The following ABCA13 variants were observed in gnomAD, a reference collection of about 807,000 sequenced individuals.
The protein encoded by ABCA13 is ATP binding cassette subfamily A member 13.
A neutral mutation model predicts 478.7 loss-of-function variants in ABCA13; 476 were observed. That is an observed-to-expected ratio of 0.99 (90% CI 0.92 to 1.07). The LOEUF is 1.07. ABCA13 is among the 50% of genes least tolerant of loss of function. The pLI, the probability that ABCA13 is intolerant of heterozygous loss-of-function variation, is 0.00. For missense variants in ABCA13, 6,060 were observed against 5,910.6 expected (o/e 1.03, Z -0.83); for synonymous variants, 2,252 against 2,158.9 (o/e 1.04, Z -1.20).
chr7:48,470,657 G>T (rs1473852060), intron 44 of ABCA13, among the ~76,000 whole-genome samples: 1 of 152,138 alleles, frequency 6.6e-6, no homozygotes, highest in Non-Finnish European at 1.5e-5. Context: ...CTGGTTAATA[G>T]AAATGGCAAG....
At chr7:48,520,400 C>T (rs1303638620) in intron 53 of ABCA13, 106 bp downstream of exon 53, 1 of 1,307,548 alleles carries the variant, frequency 7.6e-7, no homozygotes, top group Non-Finnish European at 1.0e-6. Flanking sequence ...ATCTGATCAG[C>T]ATTATACATA....
rs997443013 is a variant in ABCA13, at chr7:48,244,653, T to C, written c.1340T>C (p.Leu447Pro). ...CCGGCACTGAAGAGATTTCTTCAGC[T>C]TGATGGAGCTCTCAGAAATGCGATA... ...QWPALKRFLQ[L>P]DGALRNAIAQ... The change falls in exon 11 of 62, where the codon CTT becomes CCT. Residue 447 changes from leucine (L) to proline (P), a missense_variant. Coordinates refer to ENST00000435803, the MANE Select transcript of ABCA13 (RefSeq NM_152701.5). The C allele has an allele frequency of 1.2e-5, 19 of 1,612,062 alleles. No individual in the cohort carries two copies. Among genetic ancestry groups the C allele is most frequent in the Non-Finnish European group, 1.6e-5 (19 of 1,178,866 alleles).
intron 55 of ABCA13, among the ~76,000 whole-genome samples, chr7:48,543,586 T>G (rs1281786318): frequency 6.6e-6 from 1 of 151,412 alleles, no homozygotes; most frequent in African/African-American, 2.4e-5. Context: ...ATCGCACCGT[T>G]GCACTCCAGC....
At chr7:48,189,184 A>T (rs1376078617) in intron 1 of ABCA13, among the ~76,000 whole-genome samples, 1 of 152,198 alleles carries the variant, frequency 6.6e-6, no homozygotes, top group Non-Finnish European at 1.5e-5. Flanking sequence ...GATGTGCGAG[A>T]TACGGTGAAG....
chr7:48,299,767 C>T (rs1799891922), intron 23 of ABCA13, among the ~76,000 whole-genome samples: 1 of 152,076 alleles, frequency 6.6e-6, no homozygotes, highest in South Asian at 2.1e-4. Context: ...AACAAGTGGC[C>T]ACTGGGTGTC....
chr7:48,593,713 T>A (rs1000720121), intron 57 of ABCA13, among the ~76,000 whole-genome samples: 8 of 149,280 alleles, frequency 5.4e-5, no homozygotes, highest in Middle Eastern at 3.2e-3. Flanking sequence ...CTCTTTCAGC[T>A]TTTGTTTGGG....
intron 23 of ABCA13, 134 bp from the exon 24 acceptor site, chr7:48,309,813 G>T: frequency 1.1e-6 from 1 of 895,270 alleles, no homozygotes; most frequent in Non-Finnish European, 1.7e-6. Context: ...TGGGCTCCCC[G>T]CATCTGCAGG....
In ABCA13 at chr7:48,285,128, C is replaced by T. The variant is rs919655662; in HGVS notation, c.8837-2832C>T. Among the ~76,000 whole-genome samples the T allele has an allele frequency of 8.5e-5, 13 of 152,172 alleles. 1 individual carries two copies. The South Asian group carries it at 2.1e-3, about 24-fold the overall frequency. On this transcript the variant is annotated intron_variant, in intron 19 of 61. Coordinates refer to ENST00000435803, the MANE Select transcript of ABCA13 (RefSeq NM_152701.5). ...TTAATCTTCCAGTTTCCCTAATTGACGAATTGAGGCCCAGAGAGTGAGAGT... is the reference window on the plus strand; with the variant it reads ...TTAATCTTCCAGTTTCCCTAATTGATGAATTGAGGCCCAGAGAGTGAGAGT...
At chr7:48,486,516 T>C (rs1829314864) in intron 47 of ABCA13, among the ~76,000 whole-genome samples, 1 of 147,778 alleles carries the variant, frequency 6.8e-6, no homozygotes, top group East Asian at 2.0e-4. Flanking sequence ...ATCATGTATT[T>C]CCAGGCTTCT....
intron 53 of ABCA13, among the ~76,000 whole-genome samples, chr7:48,521,833 A>G (rs917158225): frequency 6.6e-6 from 1 of 152,194 alleles, no homozygotes; most frequent in African/African-American, 2.4e-5. Context: ...TAGAAATTTA[A>G]GTGAATTTAG....
In ABCA13 at chr7:48,338,347, T is replaced by C; in HGVS notation, c.10114-18T>C. The C allele has an allele frequency of 6.6e-7, 1 of 1,514,764 alleles. No homozygotes were observed. 93.8% of individuals were successfully genotyped at this position (1,514,764 alleles called of 1,614,324 possible). A position where few individuals can be genotyped will look rare whatever the true frequency, so the allele number is the denominator to read the frequency against. On this transcript the variant is annotated intron_variant, in intron 28 of 61. Coordinates refer to ENST00000435803, the MANE Select transcript of ABCA13 (RefSeq NM_152701.5). ...AATAATGCAATTATTTTTATTAAGCTATATTATTTTTCTTTAGGAGGCCCT... is the reference window on the plus strand; with the variant it reads ...AATAATGCAATTATTTTTATTAAGCCATATTATTTTTCTTTAGGAGGCCCT...
intron 55 of ABCA13, among the ~76,000 whole-genome samples, chr7:48,571,574 TA>T (rs1434564784): frequency 2.0e-5 from 3 of 152,146 alleles, no homozygotes; most frequent in Non-Finnish European, 4.4e-5. Flanking sequence ...AAGCAGCTAT[TA>T]ACCTTCCTGG....
At chr7:48,643,838 G>A (rs1167019065) in intron 60 of ABCA13, among the ~76,000 whole-genome samples, 2 of 152,170 alleles carry the variant, frequency 1.3e-5, no homozygotes, top group Admixed American at 1.3e-4. Flanking sequence ...TATGGTCACT[G>A]AACCAGCAGC....
At chr7:48,358,222 AAGGGGAGGGGAGGGGAGGGG>A (rs571633476) in intron 31 of ABCA13, among the ~76,000 whole-genome samples, 21 of 34,314 alleles carry the variant, frequency 6.1e-4, no homozygotes, top group East Asian at 1.8e-3. Context: ...AAAGGAAAGG[AAGGGGAGGGGAGGGGAGGGG>A]AGGGGAGGGG....
intron 19 of ABCA13, among the ~76,000 whole-genome samples, chr7:48,286,065 G>A (rs1279128633): frequency 6.6e-6 from 1 of 152,164 alleles, no homozygotes; most frequent in East Asian, 1.9e-4. Flanking sequence ...TTTTAGATTC[G>A]CAGCAACCTT....
intron 59 of ABCA13, among the ~76,000 whole-genome samples, 154 bp downstream of exon 59, chr7:48,615,531 G>A (rs1244591394): frequency 6.6e-6 from 1 of 152,184 alleles, no homozygotes; most frequent in Non-Finnish European, 1.5e-5. Flanking sequence ...AAATACTGTG[G>A]CTAGTAAGTC....
chr7:48,554,399 G>A (rs1453030928), intron 55 of ABCA13, among the ~76,000 whole-genome samples: 3 of 151,948 alleles, frequency 2.0e-5, no homozygotes, highest in African/African-American at 7.2e-5. Flanking sequence ...TATTGAATCT[G>A]TAGATTGTTT....
chr7:48,335,063 T>C (rs984058954), intron 27 of ABCA13, among the ~76,000 whole-genome samples: 1 of 152,210 alleles, frequency 6.6e-6, no homozygotes, highest in Non-Finnish European at 1.5e-5. Flanking sequence ...TTGGGTACCA[T>C]TAAACAAGTA....
intron 31 of ABCA13, among the ~76,000 whole-genome samples, chr7:48,362,470 T>A (rs2129007151): frequency 6.9e-6 from 1 of 145,052 alleles, no homozygotes; most frequent in African/African-American, 2.5e-5. Context: ...ACTTTGCCCA[T>A]CCTTTCATTT....
Sources: allele counts gnomAD v4.1 joint callset (sites outside exome capture counted in the v4.1 genomes callset), GRCh38; gene constraint gnomAD v4.1.1; transcripts MANE v1.5; gene names NCBI Gene and HGNC (gene_info 2026-07-23, HGNC 2026-07-21).